BMP6: variants seen among roughly 807,000 people sequenced by gnomAD.
The protein encoded by BMP6 is VG-1-R.
In BMP6, 17 loss-of-function variants were observed where a neutral mutation model predicts 54.1. The ratio of observed to expected loss-of-function variants is 0.31; its 90% CI spans 0.22 to 0.47. The LOEUF (loss-of-function observed/expected upper bound fraction) is 0.47, where lower values mean the gene tolerates loss of function less well. Ranked by LOEUF, BMP6 falls within the 20% of genes least tolerant of loss-of-function variation. BMP6 has a pLI of 1.00. For missense variants in BMP6, 720 were observed against 690.4 expected (o/e 1.04, Z -0.48); for synonymous variants, 328 against 291.2 (o/e 1.13, Z -1.28).
intron 1 of BMP6, among the ~76,000 whole-genome samples, chr6:7,773,109 C>T (rs925085347): frequency 3.3e-5 from 5 of 152,156 alleles, no homozygotes; most frequent in South Asian, 2.1e-4. Context: ...CTTAGATGAA[C>T]GTAGCAGATG....
At chr6:7,843,532 A>C (rs1759012491) in intron 1 of BMP6, among the ~76,000 whole-genome samples, 1 of 151,252 alleles carries the variant, frequency 6.6e-6, no homozygotes, top group Non-Finnish European at 1.5e-5. Flanking sequence ...GGGAAGTTGG[A>C]GGTGGCTAAT....
chr6:7,774,323 G>A (rs1003655269), intron 1 of BMP6, among the ~76,000 whole-genome samples: 1 of 152,198 alleles, frequency 6.6e-6, no homozygotes, highest in African/African-American at 2.4e-5. Context: ...GCTGAGGAGG[G>A]TGGATTACTT....
intron 4 of BMP6, among the ~76,000 whole-genome samples, chr6:7,864,250 G>C (rs958751719): frequency 6.6e-6 from 1 of 152,116 alleles, no homozygotes; most frequent in Non-Finnish European, 1.5e-5. Context: ...ATTGGCAGTG[G>C]GATTTGCAGC....
chr6:7,860,586 G>T (rs1759318165), intron 2 of BMP6, among the ~76,000 whole-genome samples: 1 of 152,166 alleles, frequency 6.6e-6, no homozygotes, highest in Non-Finnish European at 1.5e-5. Flanking sequence ...AGTCTTCCCT[G>T]AAGGGCCTAA....
chr6:7,726,920 T>G lies in BMP6; in HGVS notation c.-36T>G. On this transcript the variant is annotated 5_prime_UTR_variant, in exon 1 of 7. Transcript: ENST00000283147. ...CGGCCTCGCTCCGCCGCTCCACGCC[T>G]CGCGGGATCCGCGGGGGCAGCCCGG... The G allele has an allele frequency of 8.9e-7, 1 of 1,122,842 alleles. No homozygotes were observed. The highest frequency in any genetic ancestry group is 4.3e-5 in the South Asian group (1 of 23,274). 69.6% of individuals were successfully genotyped at this position (1,122,842 alleles called of 1,614,324 possible).
At chr6:7,729,818 A>G (rs1761820038) in intron 1 of BMP6, among the ~76,000 whole-genome samples, 1 of 152,212 alleles carries the variant, frequency 6.6e-6, no homozygotes, top group Admixed American at 6.5e-5. Flanking sequence ...CCAGATGCCC[A>G]GGTGGCACTC....
intron 1 of BMP6, among the ~76,000 whole-genome samples, chr6:7,784,805 A>T (rs1202662308): frequency 6.6e-6 from 1 of 152,182 alleles, no homozygotes; most frequent in Non-Finnish European, 1.5e-5. Context: ...GAAAGGAGGG[A>T]CCAGCTGTCC....
At chr6:7,764,317 G>A (rs905945588) in intron 1 of BMP6, among the ~76,000 whole-genome samples, 1 of 152,200 alleles carries the variant, frequency 6.6e-6, no homozygotes, top group African/African-American at 2.4e-5. Flanking sequence ...AAGGGAACTT[G>A]TATCTTTTTC....
chr6:7,862,346 GC>G lies in BMP6; in HGVS notation c.1055del (p.Pro352LeufsTer14). The G allele has an allele frequency of 6.2e-7, 1 of 1,614,218 alleles. No homozygotes were observed. Among genetic ancestry groups the G allele is most frequent in the Non-Finnish European group, 8.5e-7 (1 of 1,180,028 alleles). On this transcript the variant is annotated frameshift_variant, in exon 4 of 7. Transcript: ENST00000283147. LOFTEE classifies it high-confidence loss of function. ...GCCGCAGGCCTGGTGGGCAGAGACG[GC>G]CCTTACGACAAGCAGCCCTTCATGG... ...PRAAGLVGRDGPYDKQPFMVA... is the reference protein window; with the variant it reads ...PRAAGLVGRDXPYDKQPFMVA...
At chr6:7,744,330 G>T (rs1037004226) in intron 1 of BMP6, among the ~76,000 whole-genome samples, 1 of 152,230 alleles carries the variant, frequency 6.6e-6, no homozygotes, top group Admixed American at 6.5e-5. Flanking sequence ...ACAAAAATTA[G>T]CCTGGTGTGG....
At chr6:7,876,882 CT>C (rs1369801845) in intron 4 of BMP6, among the ~76,000 whole-genome samples, 4 of 150,914 alleles carry the variant, frequency 2.7e-5, no homozygotes, top group East Asian at 3.9e-4. Flanking sequence ...GGTATTCTTC[CT>C]TTTTTTTCCT....
intron 1 of BMP6, among the ~76,000 whole-genome samples, chr6:7,817,041 C>T (rs1043439719): frequency 6.6e-6 from 1 of 152,198 alleles, no homozygotes; most frequent in Admixed American, 6.5e-5. Context: ...GATACACGTC[C>T]TCACCTTCTC....
intron 1 of BMP6, among the ~76,000 whole-genome samples, chr6:7,754,780 C>T (rs1223922630): frequency 6.6e-6 from 1 of 152,090 alleles, no homozygotes; most frequent in East Asian, 1.9e-4. Context: ...TGCAGTGGTG[C>T]GATCTCGGCT....
chr6:7,818,970 G>A (rs1758568107), intron 1 of BMP6, among the ~76,000 whole-genome samples: 2 of 152,166 alleles, frequency 1.3e-5, no homozygotes, highest in African/African-American at 4.8e-5. Flanking sequence ...TCCAACCAGG[G>A]TAAGACATGA....
intron 5 of BMP6, 151 bp downstream of exon 5, chr6:7,879,301 G>C (rs1457603095): frequency 1.3e-6 from 1 of 794,844 alleles, no homozygotes; most frequent in Admixed American, 2.5e-5. Context: ...CAAATGCTCA[G>C]GCTCCTGGAG....
intron 1 of BMP6, among the ~76,000 whole-genome samples, chr6:7,740,600 C>T (rs753718128): frequency 1.9e-4 from 29 of 152,130 alleles, no homozygotes; most frequent in Admixed American, 3.9e-4. Context: ...GTTTGTGGAT[C>T]AGCACAGATC....
intron 3 of BMP6, among the ~76,000 whole-genome samples, chr6:7,861,983 G>C (rs1759342576): frequency 6.6e-6 from 1 of 152,196 alleles, no homozygotes; most frequent in African/African-American, 2.4e-5. Flanking sequence ...AGAGCCAGCA[G>C]CTTGAGGTCC....
Position 7,727,057 on chromosome 6 carries a change from C to A in BMP6, c.102C>A (p.Ala34=). ...PPPLRPPLPA[A]AAAAAGGQLL... ...CGCTGCGGCCGCCCTTGCCCGCTGC[C>A]GCGGCCGCCGCCGCCGGGGGGCAGC... The change falls in exon 1 of 7, where the codon GCC becomes GCA. Residue 34 remains alanine (A), a synonymous_variant. Transcript: ENST00000283147. The A allele has an allele frequency of 8.4e-7, 1 of 1,192,636 alleles. No homozygotes were observed. The highest frequency in any genetic ancestry group is 1.0e-6 in the Non-Finnish European group (1 of 964,452). 73.9% of individuals were successfully genotyped at this position (1,192,636 alleles called of 1,614,324 possible). A position where few individuals can be genotyped will look rare whatever the true frequency, so the allele number is the denominator to read the frequency against.
intron 1 of BMP6, among the ~76,000 whole-genome samples, chr6:7,830,979 C>T (rs142746021): frequency 5.6e-4 from 86 of 152,294 alleles, no homozygotes; most frequent in Middle Eastern, 3.4e-3. Context: ...ACTGAAAACA[C>T]GTACTCACAT....
Sources: gnomAD v4.1 joint callset for allele counts (sites outside exome capture counted in the v4.1 genomes callset) on GRCh38, gnomAD v4.1.1 for gene constraint, MANE v1.5 for transcripts, NCBI Gene and HGNC (gene_info 2026-07-23, HGNC 2026-07-21) for gene names.